Variants in HMCN1 observed in about 807,000 individuals in gnomAD.
HMCN1 encodes hemicentin-1.
HMCN1 carries 321 observed loss-of-function variants against 625.9 expected under a neutral mutation model. That is an observed-to-expected ratio of 0.51 (90% CI 0.47 to 0.56). The LOEUF (loss-of-function observed/expected upper bound fraction) is 0.56. Among genes scored for constraint, HMCN1 ranks in the 20% least tolerant of loss-of-function variants. HMCN1 has a pLI of 0.00. For synonymous variants in HMCN1, 2,425 were observed against 2,417.6 expected, an observed-to-expected ratio of 1.00 and a Z score of -0.09; for missense variants, 6,588 against 6,887.3, an observed-to-expected ratio of 0.96 and a Z score of 1.54.
chr1:185,870,513 C>T (rs1028351171), intron 4 of HMCN1, among the ~76,000 whole-genome samples: 1 of 152,050 alleles, frequency 6.6e-6, no homozygotes, highest in Non-Finnish European at 1.5e-5. Context: ...TGTATTGGTC[C>T]GATTCTAATA....
Position 185,997,495 on chromosome 1 carries a change from A to G in HMCN1, c.3845A>G (p.Gln1282Arg). The change falls in exon 25 of 107, where the codon CAA (glutamine) becomes CGA (arginine). Residue 1282 changes from glutamine to arginine, a missense_variant. Physicochemically the swap from Gln to Arg is conservative, Grantham distance 43. Coordinates refer to ENST00000271588, the MANE Select transcript of HMCN1 (RefSeq NM_031935.3). ...ACTTTCCAAGAAAGAGTGGCCAATC[A>G]ACGCATTGAATTTCCATGTCCTGCA... ...NTTFQERVAN[Q>R]RIEFPCPAKG... 1 of 1,611,930 alleles carries G rather than the reference A, an allele frequency of 6.2e-7. No homozygotes were observed. Among genetic ancestry groups the G allele is most frequent in the Non-Finnish European group, 8.5e-7 (1 of 1,178,414 alleles).
At chr1:186,063,066 G>GAATATATATATATATA in intron 48 of HMCN1, among the ~76,000 whole-genome samples, 1 of 29,944 alleles carries the variant, frequency 3.3e-5, no homozygotes, top group East Asian at 1.1e-3. Flanking sequence ...GTGTGTGTGT[G>GAATATATATATATATA]CATATATATA....
chr1:186,152,678 A>G, intron 95 of HMCN1, 72 bp from the exon 96 acceptor site: 1 of 1,588,156 alleles, frequency 6.3e-7, no homozygotes, highest in Non-Finnish European at 8.6e-7. Context: ...ACTGGTATGT[A>G]AGGTAAATCT....
intron 53 of HMCN1, among the ~76,000 whole-genome samples, 181 bp from the exon 54 acceptor site, chr1:186,076,247 G>A (rs556821988): frequency 1.9e-4 from 29 of 152,216 alleles, no homozygotes; most frequent in African/African-American, 6.7e-4. Context: ...TTGACAACCA[G>A]CTCCGACTTT....
chr1:185,862,215 A>G (rs1662918609), intron 2 of HMCN1, among the ~76,000 whole-genome samples: 1 of 152,190 alleles, frequency 6.6e-6, no homozygotes, highest in Admixed American at 6.5e-5. Context: ...ATCCAACACA[A>G]GTAGTGAAAT....
intron 1 of HMCN1, among the ~76,000 whole-genome samples, chr1:185,808,375 TA>T (rs1372299982): frequency 6.6e-6 from 1 of 151,488 alleles, no homozygotes; most frequent in Non-Finnish European, 1.5e-5. Context: ...AAATAAAAAG[TA>T]AAAATGGTGG....
At chr1:185,820,226 CT>C (rs1327440511) in intron 1 of HMCN1, among the ~76,000 whole-genome samples, 1 of 152,004 alleles carries the variant, frequency 6.6e-6, no homozygotes, top group East Asian at 1.9e-4. Context: ...TGTCTTTATC[CT>C]CCAAGAAACA....
intron 10 of HMCN1, among the ~76,000 whole-genome samples, chr1:185,929,059 T>C (rs1202489646): frequency 6.6e-6 from 1 of 151,746 alleles, no homozygotes; most frequent in Non-Finnish European, 1.5e-5. Context: ...GATTAATGAA[T>C]AGTTTTTGAA....
rs532459202 is a variant in HMCN1 at position 186,189,386 on chromosome 1, C to T, written c.16542-126C>T. On this transcript the variant is annotated intron_variant, in intron 106 of 106. Coordinates refer to ENST00000271588, the MANE Select transcript of HMCN1 (RefSeq NM_031935.3). ...GACACAGAAGACGACTGAGTCTTAC[C>T]GCTTTTACAGCCAGGCTGCCTACTG... is the stretch of plus-strand genomic sequence containing the variant. 2.1e-4 allele frequency: 199 copies of T among 955,360 alleles called. 1 individual carries two copies. The highest frequency in any genetic ancestry group is 1.7e-3 in the African/African-American group (105 of 62,950). 59.2% of individuals were successfully genotyped at this position (955,360 alleles called of 1,614,324 possible).
chr1:185,882,780 C>G (rs558279070), intron 4 of HMCN1, among the ~76,000 whole-genome samples: 2 of 152,064 alleles, frequency 1.3e-5, no homozygotes, highest in South Asian at 4.2e-4. Context: ...TTCAACTCTT[C>G]AAAGATTATA....
At chr1:185,985,643 T>C (rs1651955880) in intron 19 of HMCN1, among the ~76,000 whole-genome samples, 1 of 152,230 alleles carries the variant, frequency 6.6e-6, no homozygotes, top group Admixed American at 6.5e-5. Flanking sequence ...AATGAGTAAC[T>C]AATTTAGTCA....
At chr1:185,768,024 A>G (rs1655981869) in intron 1 of HMCN1, among the ~76,000 whole-genome samples, 3 of 152,240 alleles carry the variant, frequency 2.0e-5, no homozygotes, top group Admixed American at 1.3e-4. Flanking sequence ...AGGAAAAAAC[A>G]TGAAGTTCAA....
intron 4 of HMCN1, among the ~76,000 whole-genome samples, chr1:185,872,816 G>A (rs189104772): frequency 4.6e-4 from 70 of 152,160 alleles, no homozygotes; most frequent in African/African-American, 1.0e-3. Flanking sequence ...ATGTGCAGTG[G>A]GATCATCTCT....
intron 11 of HMCN1, among the ~76,000 whole-genome samples, chr1:185,958,254 G>T (rs1649761114): frequency 6.6e-6 from 1 of 152,028 alleles, no homozygotes; most frequent in South Asian, 2.1e-4. Flanking sequence ...TAGTAGCTGG[G>T]ACTACAGGCA....
At chr1:185,884,608 T>C (rs992232438) in intron 4 of HMCN1, among the ~76,000 whole-genome samples, 2 of 152,028 alleles carry the variant, frequency 1.3e-5, no homozygotes, top group African/African-American at 2.4e-5. Context: ...TTTTGCCTAA[T>C]GGCTTTAGTT....
intron 4 of HMCN1, among the ~76,000 whole-genome samples, chr1:185,877,873 A>T (rs1293300108): frequency 6.6e-6 from 1 of 151,612 alleles, no homozygotes; most frequent in East Asian, 1.9e-4. Context: ...TTTTTTCCTA[A>T]TCCTCTCCCT....
intron 4 of HMCN1, among the ~76,000 whole-genome samples, chr1:185,898,151 A>G (rs1665589985): frequency 6.6e-6 from 1 of 152,152 alleles, no homozygotes. Context: ...GCTTTCACCT[A>G]TGGGCGTAAT....
rs765224895 is a variant in HMCN1 at position 186,015,420 on chromosome 1, T to C, written c.4892T>C (p.Phe1631Ser). Reference protein sequence around the residue: ...ANVAGTAEKSFHVDVYVPPMI... With the variant: ...ANVAGTAEKSSHVDVYVPPMI... The stretch of plus-strand genomic sequence containing the variant: ...GTTGCTGGAACTGCTGAAAAATCAT[T>C]CCATGTGGATGTCTATGGTGAGGAA... The change falls in exon 31 of 107, where the codon TTC becomes TCC. Residue 1631 changes from phenylalanine to serine, a missense_variant. Physicochemically the swap from Phe to Ser is radical, Grantham distance 155. Around this residue, in one of 3 missense-constraint regions of HMCN1, gnomAD observed 4,628 missense variants for 4,853.1 expected, o/e 0.95. Transcript: ENST00000271588. 1.4e-5 allele frequency: 23 copies of C among 1,613,406 alleles called. No individual in the cohort carries two copies. Among genetic ancestry groups the C allele is most frequent in the Non-Finnish European group, 1.9e-5 (23 of 1,179,632 alleles).
intron 36 of HMCN1, among the ~76,000 whole-genome samples, chr1:186,031,394 G>A (rs570460436): frequency 1.3e-5 from 2 of 151,940 alleles, no homozygotes; most frequent in Admixed American, 1.3e-4. Context: ...TGTTTGTACT[G>A]AGGATCTTTG....
Sources: allele counts gnomAD v4.1 joint callset (sites outside exome capture counted in the v4.1 genomes callset), GRCh38; gene constraint gnomAD v4.1.1; regional missense constraint gnomAD v4.1.1; transcripts MANE v1.5; gene names NCBI Gene and HGNC (gene_info 2026-07-23, HGNC 2026-07-21).